The following BMPR1A variants were observed in gnomAD, a reference collection of about 807,000 sequenced individuals.
The protein encoded by BMPR1A is bone morphogenetic protein receptor type 1A, also known as bone morphogenetic protein receptor type-1A.
BMPR1A carries 7 observed loss-of-function variants against 66.0 expected under a neutral mutation model. That is an observed-to-expected ratio of 0.11 (90% CI 0.06 to 0.20). The LOEUF is 0.20. Ranked by LOEUF, BMPR1A falls within the 10% of genes least tolerant of loss-of-function variation. The pLI, the probability that BMPR1A is intolerant of heterozygous loss-of-function variation, is 1.00. For synonymous variants in BMPR1A, 200 were observed against 229.7 expected (o/e 0.87, Z 1.17); for missense variants, 408 against 669.1 (o/e 0.61, Z 4.31).
At chr10:86,760,996 A>G (rs1841047073) in intron 1 of BMPR1A, among the ~76,000 whole-genome samples, 1 of 152,188 alleles carries the variant, frequency 6.6e-6, no homozygotes. Flanking sequence ...AATTCCGGAG[A>G]TGCTAAAATA....
At chr10:86,764,071 G>A (rs544105577) in intron 1 of BMPR1A, among the ~76,000 whole-genome samples, 6 of 152,268 alleles carry the variant, frequency 3.9e-5, no homozygotes, top group African/African-American at 9.6e-5. Context: ...GATTACAGGC[G>A]TGAGCCACCA....
chr10:86,805,461 C>CTT (rs1332479141), intron 1 of BMPR1A, among the ~76,000 whole-genome samples: 7,387 of 108,930 alleles, frequency 0.068, 706 homozygotes, highest in Non-Finnish European at 0.08. Flanking sequence ...TTTCAGTTTC[C>CTT]TTTTTTTTTT....
chr10:86,801,301 GA>G (rs1181146116), intron 1 of BMPR1A, among the ~76,000 whole-genome samples: 3 of 152,018 alleles, frequency 2.0e-5, no homozygotes, highest in Non-Finnish European at 4.4e-5. Flanking sequence ...ATGCCCAACT[GA>G]TAGTTTGTAT....
intron 2 of BMPR1A, among the ~76,000 whole-genome samples, chr10:86,846,060 T>C (rs1842481957): frequency 1.3e-5 from 2 of 151,940 alleles, no homozygotes; most frequent in Admixed American, 6.6e-5. Flanking sequence ...AGGGTTAAAA[T>C]CCCTACCACT....
intron 5 of BMPR1A, among the ~76,000 whole-genome samples, chr10:86,893,947 T>G (rs1843191973): frequency 6.6e-6 from 1 of 152,228 alleles, no homozygotes. Context: ...TAATCTCTCT[T>G]TAAGATGACA....
intron 1 of BMPR1A, among the ~76,000 whole-genome samples, chr10:86,763,610 C>A (rs1198660194): frequency 6.7e-6 from 1 of 149,630 alleles, no homozygotes; most frequent in Non-Finnish European, 1.5e-5. Context: ...CTTGGCAGTC[C>A]TTGCAAGTAC....
In BMPR1A at chr10:86,917,140, C is replaced by A. The variant is rs587782682; in HGVS notation, c.682C>A (p.Arg228=). 218 of 1,613,734 alleles carry A rather than the reference C, an allele frequency of 1.4e-4. 1 individual carries two copies. Among genetic ancestry groups the A allele is most frequent in the Non-Finnish European group, 1.8e-4 (213 of 1,179,906 alleles). The change falls in exon 9 of 13, where the codon CGA becomes AGA. Residue 228 remains arginine, a synonymous_variant. Coordinates refer to ENST00000372037, the MANE Select transcript of BMPR1A (RefSeq NM_004329.3). ...SGSGLPLLVQ[R]TIAKQIQMVR... Reference sequence around the variant, plus strand: ...TTTACTTTTTTCTATAAAGGTTCAGCGAACTATTGCCAAACAGATTCAGAT... The same window carrying A: ...TTTACTTTTTTCTATAAAGGTTCAGAGAACTATTGCCAAACAGATTCAGAT...
chr10:86,797,247 T>TTTTTTTTTTTTTTTG lies in BMPR1A; in HGVS notation c.-268+40329_-268+40330insTTTTTTTTTTTTTGT, dbSNP rs1372738374. ...GCCCGGCTAATTTTTTTTTTTTTTT[T>TTTTTTTTTTTTTTTG]TGAGACGGAGTCTTGCTCTGTTGTC... On this transcript the variant is annotated intron_variant, in intron 1 of 12. Coordinates refer to ENST00000372037, the MANE Select transcript of BMPR1A (RefSeq NM_004329.3). 3.4e-3 allele frequency among the ~76,000 whole-genome samples: 424 copies of TTTTTTTTTTTTTTTG among 124,836 alleles called. 17 individuals carry two copies. Among genetic ancestry groups the TTTTTTTTTTTTTTTG allele is most frequent in the East Asian group, 0.012 (40 of 3,332 alleles). The allele number at this position is 124,836 out of a possible 152,430, so 81.9% of individuals were successfully genotyped here. A position where few individuals can be genotyped will look rare whatever the true frequency, so the allele number is the denominator to read the frequency against.
intron 2 of BMPR1A, among the ~76,000 whole-genome samples, chr10:86,873,399 G>A (rs1350956492): frequency 6.6e-6 from 1 of 151,130 alleles, no homozygotes; most frequent in Non-Finnish European, 1.5e-5. Flanking sequence ...ACCAGCCCAG[G>A]CAACATAGCG....
At chr10:86,932,086 T>A (rs1328101021), downstream of BMPR1A, 1 of 152,240 alleles carries the variant, frequency 6.6e-6, no homozygotes, top group Non-Finnish European at 1.5e-5. Context: ...ACTGCTAACA[T>A]TGCACAATTG....
At chr10:86,829,768 T>C (rs1265064719) in intron 1 of BMPR1A, among the ~76,000 whole-genome samples, 1 of 152,244 alleles carries the variant, frequency 6.6e-6, no homozygotes. Flanking sequence ...TTTTTATTGC[T>C]GAATAGGATT....
chr10:86,806,537 G>A (rs1589725401), intron 1 of BMPR1A, among the ~76,000 whole-genome samples: 2 of 151,876 alleles, frequency 1.3e-5, no homozygotes, highest in South Asian at 2.1e-4. Context: ...ACTCCATTTC[G>A]TTCAATGAGT....
chr10:86,902,456 C>T (rs939366574), intron 7 of BMPR1A, among the ~76,000 whole-genome samples: 1 of 152,004 alleles, frequency 6.6e-6, no homozygotes, highest in African/African-American at 2.4e-5. Flanking sequence ...TGCCTTCAGC[C>T]ACATAGTAAA....
At chr10:86,769,902 C>T (rs990825867) in intron 1 of BMPR1A, among the ~76,000 whole-genome samples, 10 of 151,778 alleles carry the variant, frequency 6.6e-5, no homozygotes, top group African/African-American at 2.2e-4. Context: ...TGGCAGTGAC[C>T]TTCTTTTAGT....
chr10:86,823,656 G>A (rs1288425826), intron 1 of BMPR1A, among the ~76,000 whole-genome samples: 1 of 152,164 alleles, frequency 6.6e-6, no homozygotes, highest in African/African-American at 2.4e-5. Flanking sequence ...GTGGGCATGG[G>A]CCTTAGGGCA....
At chr10:86,828,364 T>C (rs1384317414) in intron 1 of BMPR1A, among the ~76,000 whole-genome samples, 2 of 152,176 alleles carry the variant, frequency 1.3e-5, no homozygotes, top group Non-Finnish European at 1.5e-5. Context: ...TATTAGCAAG[T>C]GTGCATTCCA....
chr10:86,758,532 C>T (rs902552241), intron 1 of BMPR1A, among the ~76,000 whole-genome samples: 22 of 151,922 alleles, frequency 1.4e-4, no homozygotes, highest in Non-Finnish European at 2.4e-4. Context: ...AAAACCTTTT[C>T]TTAAGTCTGC....
At chr10:86,864,391 CCT>C (rs1480200600) in intron 2 of BMPR1A, among the ~76,000 whole-genome samples, 1 of 152,176 alleles carries the variant, frequency 6.6e-6, no homozygotes, top group African/African-American at 2.4e-5. Context: ...GGCATTTCAA[CCT>C]CTGTCACGAC....
intron 1 of BMPR1A, among the ~76,000 whole-genome samples, chr10:86,763,926 G>A (rs909272602): frequency 1.3e-5 from 2 of 151,978 alleles, no homozygotes; most frequent in Non-Finnish European, 2.9e-5. Flanking sequence ...GAGTAGCTGG[G>A]ACCACAGGAG....
Sources: gnomAD v4.1 joint callset for allele counts (sites outside exome capture counted in the v4.1 genomes callset) on GRCh38, gnomAD v4.1.1 for gene constraint, MANE v1.5 for transcripts, NCBI Gene and HGNC (gene_info 2026-07-23, HGNC 2026-07-21) for gene names.